The following CRACD variants were observed in gnomAD, a reference collection of about 807,000 sequenced individuals.
CRACD encodes capping protein inhibiting regulator of actin dynamics.
In CRACD, 56 loss-of-function variants were observed where a neutral mutation model predicts 106.8. The observed-to-expected ratio is 0.52, with a 90% CI of 0.42 to 0.66. The LOEUF is 0.66. CRACD is among the 30% of genes least tolerant of loss of function. The probability of loss-of-function intolerance (pLI) is 0.00; values close to 1 mark genes in which losing one functional copy is unlikely to be tolerated. For synonymous variants in CRACD, 754 were observed against 670.8 expected (o/e 1.12, Z -1.92); for missense variants, 1,730 against 1,623.2 (o/e 1.07, Z -1.13).
intron 3 of CRACD, among the ~76,000 whole-genome samples, chr4:56,288,198 CTCT>C (rs1192082766): frequency 2.6e-5 from 4 of 152,042 alleles, no homozygotes; most frequent in Non-Finnish European, 5.9e-5. Context: ...TAATTTCCTC[CTCT>C]TCTTCTTACC....
chr4:56,057,820 T>TTTTTTTTTTTTTTTTTTTTGTTTTTG (rs1732136814), intron 1 of CRACD, among the ~76,000 whole-genome samples: 1 of 80,190 alleles, frequency 1.2e-5, no homozygotes, highest in Non-Finnish European at 2.4e-5. Context: ...TTTTGTTTTT[T>TTTTTTTTTTTTTTTTTTTTGTTTTTG]TTTTTTTTTT....
intron 1 of CRACD, among the ~76,000 whole-genome samples, chr4:56,082,747 T>C (rs985234112): frequency 2.0e-4 from 30 of 152,110 alleles, no homozygotes; most frequent in African/African-American, 6.5e-4. Flanking sequence ...ATGTGGCTTA[T>C]GGAGAAAGTG....
chr4:56,080,694 T>TA lies in CRACD; in HGVS notation c.-336+31396dup, dbSNP rs1732992164. On this transcript the variant is annotated intron_variant, in intron 1 of 10. Coordinates refer to ENST00000682029, the MANE Select transcript of CRACD (RefSeq NM_001393381.1). ...AAATGGTGATAGCTTGCCAACTCAT[T>TA]AGGAAGGTCAGCTTTCTAGAAGATA... Among the ~76,000 whole-genome samples the TA allele has an allele frequency of 2.0e-5, 3 of 152,310 alleles. No homozygotes were observed. The South Asian group carries it at 6.2e-4, about 32-fold the overall frequency.
rs191614954 is a variant in CRACD, at chr4:56,180,139, A to G, written c.-189+709A>G. ...GAGCTTGGTCCTGTGAGTTTGGGGA[A>G]CTTTGTCTTCTGAATGCTGGGAGTG... On this transcript the variant is annotated intron_variant, in intron 2 of 10. Coordinates refer to ENST00000682029, the MANE Select transcript of CRACD (RefSeq NM_001393381.1). Among the ~76,000 whole-genome samples, 718 of 152,150 alleles carry G rather than the reference A, an allele frequency of 4.7e-3. 5 individuals are homozygous for G. The highest frequency in any genetic ancestry group is 0.016 in the African/African-American group (683 of 41,490).
At chr4:56,232,520 C>A (rs1276566167) in intron 2 of CRACD, among the ~76,000 whole-genome samples, 1 of 151,968 alleles carries the variant, frequency 6.6e-6, no homozygotes, top group Non-Finnish European at 1.5e-5. Flanking sequence ...ATGGCTAGAT[C>A]CTAAGGTAGA....
intron 2 of CRACD, among the ~76,000 whole-genome samples, chr4:56,259,249 C>A (rs1404315416): frequency 6.6e-6 from 1 of 152,044 alleles, no homozygotes; most frequent in Non-Finnish European, 1.5e-5. Context: ...AAGCTGGCAC[C>A]ATTGTGGGCA....
intron 8 of CRACD, 40 bp downstream of exon 8, chr4:56,316,729 TGTCAGAGCC>T: frequency 1.9e-6 from 3 of 1,570,540 alleles, no homozygotes; most frequent in Non-Finnish European, 2.6e-6. Context: ...CCAGCCGAGG[TGTCAGAGCC>T]AGGGCATCAA....
chr4:56,328,562 T>C lies in CRACD; in HGVS notation c.*758T>C. 1 of 356,622 alleles carries C rather than the reference T, an allele frequency of 2.8e-6. No individual in the cohort carries two copies. The highest frequency in any genetic ancestry group is 2.3e-5 in the South Asian group (1 of 43,648). 22.1% of individuals were successfully genotyped at this position (356,622 alleles called of 1,614,324 possible). On this transcript the variant is annotated 3_prime_UTR_variant, in exon 11 of 11. Coordinates refer to ENST00000682029, the MANE Select transcript of CRACD (RefSeq NM_001393381.1). Reference sequence around the variant, plus strand: ...AAGAAAGACAATTCTAGATCAGAGCTACAAGTTCACTTTCTGTCTCTGAGA... The same window carrying C: ...AAGAAAGACAATTCTAGATCAGAGCCACAAGTTCACTTTCTGTCTCTGAGA...
At chr4:56,286,654 C>T (rs1345688307) in intron 3 of CRACD, among the ~76,000 whole-genome samples, 1 of 151,016 alleles carries the variant, frequency 6.6e-6, no homozygotes. Context: ...ACCAGGGCAA[C>T]AGTAACAATT....
rs528479914 is a variant in CRACD, at chr4:56,241,456, C to T, written c.-188-30865C>T. On this transcript the variant is annotated intron_variant, in intron 2 of 10. Transcript: ENST00000682029. Reference sequence around the variant, plus strand: ...AGCAACTAGGGTGAATTACCCCTCCCAATTCCTCTGCCTCTAATTTCGTCA... The same window carrying T: ...AGCAACTAGGGTGAATTACCCCTCCTAATTCCTCTGCCTCTAATTTCGTCA... Among the ~76,000 whole-genome samples, 24 of 152,072 alleles carry T rather than the reference C, an allele frequency of 1.6e-4. No homozygotes were observed. The South Asian group carries it at 5.0e-3, about 32-fold the overall frequency.
intron 4 of CRACD, among the ~76,000 whole-genome samples, chr4:56,307,290 A>G (rs1341713180): frequency 6.6e-6 from 1 of 152,198 alleles, no homozygotes; most frequent in Non-Finnish European, 1.5e-5. Flanking sequence ...TCCATGAAAG[A>G]GGTGGCTGGA....
At chr4:56,274,116 C>T (rs528597488) in intron 3 of CRACD, among the ~76,000 whole-genome samples, 11 of 152,270 alleles carry the variant, frequency 7.2e-5, no homozygotes, top group South Asian at 2.1e-4. Flanking sequence ...TTTAATTTGA[C>T]GCAGGGAAAG....
At chr4:56,243,911 C>G (rs1740515023) in intron 2 of CRACD, among the ~76,000 whole-genome samples, 1 of 152,184 alleles carries the variant, frequency 6.6e-6, no homozygotes, top group Non-Finnish European at 1.5e-5. Context: ...CCATCCCCCT[C>G]TCCCTCAAAG....
chr4:56,081,403 T>C (rs1291359936), intron 1 of CRACD, among the ~76,000 whole-genome samples: 1 of 152,184 alleles, frequency 6.6e-6, no homozygotes, highest in African/African-American at 2.4e-5. Context: ...CCTTATTCAT[T>C]CAACTCTAGG....
chr4:56,240,256 A>C (rs1702716701), intron 2 of CRACD, among the ~76,000 whole-genome samples: 1 of 152,116 alleles, frequency 6.6e-6, no homozygotes, highest in Non-Finnish European at 1.5e-5. Flanking sequence ...CGTGATAGAG[A>C]TATGCCAAAG....
At chr4:56,303,757 T>G (rs1744505066) in intron 4 of CRACD, among the ~76,000 whole-genome samples, 1 of 152,188 alleles carries the variant, frequency 6.6e-6, no homozygotes, top group African/African-American at 2.4e-5. Context: ...CTGAGCACCA[T>G]GCGTCGGACC....
At chr4:56,216,842 C>T (rs926139995) in intron 2 of CRACD, among the ~76,000 whole-genome samples, 15 of 150,720 alleles carry the variant, frequency 1.0e-4, no homozygotes, top group East Asian at 3.9e-4. Flanking sequence ...TAGCCGGGCG[C>T]GGTGGCGGGC....
chr4:56,286,681 T>C (rs996985122), intron 3 of CRACD, among the ~76,000 whole-genome samples: 1 of 152,134 alleles, frequency 6.6e-6, no homozygotes, highest in African/African-American at 2.4e-5. Context: ...TCATTGATTT[T>C]TCGACTGCTC....
rs898168437 is a variant in CRACD, at chr4:56,271,882, C to T, written c.-188-439C>T. Among the ~76,000 whole-genome samples the T allele has an allele frequency of 2.0e-5, 3 of 152,228 alleles. No homozygotes were observed. In the South Asian group the frequency reaches 6.2e-4, roughly 32 times the overall value. On this transcript the variant is annotated intron_variant, in intron 2 of 10. Coordinates refer to ENST00000682029, the MANE Select transcript of CRACD (RefSeq NM_001393381.1). ...GCCTCAGCTTCCTAAGTAGCCAAGA[C>T]TAAAGGCGTGCACCACCAACCCGAC...
Sources: gnomAD v4.1 joint callset for allele counts (sites outside exome capture counted in the v4.1 genomes callset) on GRCh38, gnomAD v4.1.1 for gene constraint, MANE v1.5 for transcripts, NCBI Gene and HGNC (gene_info 2026-07-23, HGNC 2026-07-21) for gene names.